The following FBXL7 variants were observed in gnomAD, a reference collection of about 807,000 sequenced individuals.
FBXL7 encodes the protein F-box and leucine rich repeat protein 7.
FBXL7 carries 12 observed loss-of-function variants against 38.3 expected under a neutral mutation model. The observed-to-expected ratio is 0.31, with a 90% CI of 0.20 to 0.51. The LOEUF (loss-of-function observed/expected upper bound fraction) is 0.51. Ranked by LOEUF, FBXL7 falls within the 20% of genes least tolerant of loss-of-function variation. The pLI, the probability that FBXL7 is intolerant of heterozygous loss-of-function variation, is 0.98. For synonymous variants in FBXL7, 297 were observed against 300.9 expected (o/e 0.99, Z 0.13); for missense variants, 567 against 676.4 (o/e 0.84, Z 1.79).
chr5:15,549,113 C>T (rs1389717251), intron 1 of FBXL7, among the ~76,000 whole-genome samples: 2 of 152,082 alleles, frequency 1.3e-5, no homozygotes, highest in East Asian at 3.8e-4. Flanking sequence ...TTTATGTGAC[C>T]CTGTTCCAAG....
intron 2 of FBXL7, among the ~76,000 whole-genome samples, chr5:15,780,355 T>C (rs1736961995): frequency 6.6e-6 from 1 of 151,476 alleles, no homozygotes; most frequent in South Asian, 2.1e-4. Flanking sequence ...AACCCCACTA[T>C]ACATATATAT....
chr5:15,552,365 A>G (rs1167847081), intron 1 of FBXL7, among the ~76,000 whole-genome samples: 1 of 152,002 alleles, frequency 6.6e-6, no homozygotes, highest in Non-Finnish European at 1.5e-5. Context: ...TTTTCTTCTC[A>G]TGCCATCATC....
At chr5:15,729,877 G>A (rs974711505) in intron 2 of FBXL7, among the ~76,000 whole-genome samples, 2 of 152,150 alleles carry the variant, frequency 1.3e-5, no homozygotes, top group Admixed American at 6.5e-5. Flanking sequence ...GAAAAATGCT[G>A]TTCAAAGAAG....
At chr5:15,665,029 A>T (rs1742223708) in intron 2 of FBXL7, among the ~76,000 whole-genome samples, 1 of 152,134 alleles carries the variant, frequency 6.6e-6, no homozygotes, top group Non-Finnish European at 1.5e-5. Flanking sequence ...CTTACAAAGA[A>T]GTTTGCTGTC....
chr5:15,628,811 C>T (rs901730199), intron 2 of FBXL7, among the ~76,000 whole-genome samples: 1 of 152,080 alleles, frequency 6.6e-6, no homozygotes, highest in Non-Finnish European at 1.5e-5. Context: ...CTTTTTACAA[C>T]TTCTTCTGTG....
chr5:15,762,687 A>G (rs1736481465), intron 2 of FBXL7, among the ~76,000 whole-genome samples: 1 of 152,170 alleles, frequency 6.6e-6, no homozygotes, highest in Non-Finnish European at 1.5e-5. Flanking sequence ...ATTCTTGCAA[A>G]ACAGCGTACT....
chr5:15,714,018 G>C (rs1432155969), intron 2 of FBXL7, among the ~76,000 whole-genome samples: 1 of 152,200 alleles, frequency 6.6e-6, no homozygotes, highest in Non-Finnish European at 1.5e-5. Context: ...GTTGTTACAT[G>C]GCAAAAGGGG....
chr5:15,501,161 A>T (rs1170393193), intron 1 of FBXL7, among the ~76,000 whole-genome samples: 1 of 152,122 alleles, frequency 6.6e-6, no homozygotes, highest in Non-Finnish European at 1.5e-5. Flanking sequence ...TTAAGTTTCC[A>T]TTCTTTGCTC....
intron 1 of FBXL7, among the ~76,000 whole-genome samples, chr5:15,528,052 A>G (rs1737301524): frequency 6.6e-6 from 1 of 152,218 alleles, no homozygotes; most frequent in Non-Finnish European, 1.5e-5. Flanking sequence ...TTATTTGGAT[A>G]TGCATTTCCA....
At position 15,932,254 on chromosome 5, in the gene FBXL7, T is replaced by C. The variant is rs571276656; in HGVS notation, c.739+3753T>C. Among the ~76,000 whole-genome samples, 342 of 152,282 alleles carry C rather than the reference T, an allele frequency of 2.2e-3. 5 individuals carry two copies. The highest frequency in any genetic ancestry group is 2.8e-3 in the Non-Finnish European group (188 of 68,006). On this transcript the variant is annotated intron_variant, in intron 3 of 3. Transcript: ENST00000504595. The stretch of plus-strand genomic sequence containing the variant: ...AAGACATGTTAAGTTCTCAAACACA[T>C]GCTCTGAAGGGAACCACGTAGGAGG...
At chr5:15,775,549 C>T (rs1736836377) in intron 2 of FBXL7, among the ~76,000 whole-genome samples, 1 of 152,052 alleles carries the variant, frequency 6.6e-6, no homozygotes, top group Non-Finnish European at 1.5e-5. Flanking sequence ...ATTAGCTCTT[C>T]ATTTTCTAAG....
chr5:15,912,480 G>C (rs974417795), intron 2 of FBXL7, among the ~76,000 whole-genome samples: 3 of 148,848 alleles, frequency 2.0e-5, no homozygotes, highest in Admixed American at 2.0e-4. Flanking sequence ...GAAATCACCC[G>C]TCTTCTGCGT....
chr5:15,758,686 G>A (rs1736362074), intron 2 of FBXL7, among the ~76,000 whole-genome samples: 1 of 152,072 alleles, frequency 6.6e-6, no homozygotes, highest in Admixed American at 6.6e-5. Context: ...TTTCATTTTT[G>A]TTTAACACGG....
chr5:15,691,760 C>T (rs1016889072), intron 2 of FBXL7, among the ~76,000 whole-genome samples: 2 of 152,160 alleles, frequency 1.3e-5, no homozygotes, highest in African/African-American at 4.8e-5. Flanking sequence ...TCTCTTTAGC[C>T]TGACTCAGAG....
chr5:15,596,354 T>C (rs2126487242), intron 1 of FBXL7, among the ~76,000 whole-genome samples: 1 of 152,330 alleles, frequency 6.6e-6, no homozygotes, highest in South Asian at 2.1e-4. Flanking sequence ...GCACTAATTC[T>C]TGTCTCCTTT....
At chr5:15,700,492 T>C (rs1579389130) in intron 2 of FBXL7, among the ~76,000 whole-genome samples, 1 of 152,062 alleles carries the variant, frequency 6.6e-6, no homozygotes, top group African/African-American at 2.4e-5. Context: ...ATAAGTGGAG[T>C]CTGCCAGTGG....
intron 1 of FBXL7, among the ~76,000 whole-genome samples, chr5:15,522,252 C>T (rs17703729): frequency 0.032 from 4,820 of 152,230 alleles, 141 homozygotes; most frequent in South Asian, 0.12. Context: ...CCTTATCCTC[C>T]CTGTTAGTCC....
intron 2 of FBXL7, among the ~76,000 whole-genome samples, chr5:15,892,947 C>T (rs1391484137): frequency 3.3e-5 from 5 of 152,070 alleles, no homozygotes; most frequent in Non-Finnish European, 7.3e-5. Flanking sequence ...GAAACCCCGT[C>T]TCTACTAAAA....
In FBXL7 at chr5:15,500,232, C is replaced by G. The variant is rs1396378950; in HGVS notation, c.-445C>G. 3.9e-5 allele frequency: 6 copies of G among 151,928 alleles called. No homozygotes were observed. Among genetic ancestry groups the G allele is most frequent in the Non-Finnish European group, 8.8e-5 (6 of 67,938 alleles). 9.4% of individuals were successfully genotyped at this position (151,928 alleles called of 1,614,324 possible). On this transcript the variant is annotated 5_prime_UTR_variant, in exon 1 of 4. Transcript: ENST00000504595. ...GGGGACCCGCAACAAGTGGCCGCCGCGCCCTCCCCGGGGAAGCCGCGGGCG... is the reference window on the plus strand; with the variant it reads ...GGGGACCCGCAACAAGTGGCCGCCGGGCCCTCCCCGGGGAAGCCGCGGGCG...
Sources: gnomAD v4.1 joint callset for allele counts (sites outside exome capture counted in the v4.1 genomes callset) on GRCh38, gnomAD v4.1.1 for gene constraint, MANE v1.5 for transcripts, NCBI Gene and HGNC (gene_info 2026-07-23, HGNC 2026-07-21) for gene names.